The following SPOCK1 variants were observed in gnomAD, a reference collection of about 807,000 sequenced individuals.
SPOCK1 encodes the protein SPARC (osteonectin), cwcv and kazal like domains proteoglycan 1.
SPOCK1 carries 23 observed loss-of-function variants against 55.3 expected under a neutral mutation model. The ratio of observed to expected loss-of-function variants is 0.42; its 90% CI spans 0.30 to 0.59. The LOEUF (loss-of-function observed/expected upper bound fraction) is 0.59, where lower values mean the gene tolerates loss of function less well. Among genes scored for constraint, SPOCK1 ranks in the 20% least tolerant of loss-of-function variants. The pLI is 0.22. For missense variants in SPOCK1, 499 were observed against 552.5 expected, an observed-to-expected ratio of 0.90 and a Z score of 0.97; for synonymous variants, 226 against 221.0, an observed-to-expected ratio of 1.02 and a Z score of -0.20.
At chr5:137,251,424 G>A (rs926297885) in intron 3 of SPOCK1, among the ~76,000 whole-genome samples, 2 of 152,146 alleles carry the variant, frequency 1.3e-5, no homozygotes, top group African/African-American at 2.4e-5. Flanking sequence ...AGTCCTGATC[G>A]GCCAGTAACT....
intron 2 of SPOCK1, among the ~76,000 whole-genome samples, chr5:137,292,317 G>A (rs565720748): frequency 2.4e-4 from 37 of 151,448 alleles, no homozygotes; most frequent in African/African-American, 6.5e-4. Context: ...GGAGAGTTTC[G>A]AATGGGAACT....
rs545723259 is a variant in SPOCK1, at chr5:137,267,136, T to C, written c.187-81A>G. On this transcript the variant is annotated intron_variant, in intron 2 of 10. Coordinates refer to ENST00000394945, the MANE Select transcript of SPOCK1 (RefSeq NM_004598.4). ...ACTGCATAAAAACCTGCCTTCCTTT[T>C]CACCTCCCAAAACACAAAGGAAAAC... 8 of 1,181,006 alleles carry C rather than the reference T, an allele frequency of 6.8e-6. No homozygotes were observed. In the South Asian group the frequency reaches 9.2e-5, roughly 14 times the overall value. The allele number at this position is 1,181,006 out of a possible 1,614,324, so 73.2% of individuals were successfully genotyped here. A position where few individuals can be genotyped will look rare whatever the true frequency, so the allele number is the denominator to read the frequency against.
chr5:137,391,187 T>C (rs1751715080), intron 2 of SPOCK1, among the ~76,000 whole-genome samples: 2 of 152,182 alleles, frequency 1.3e-5, no homozygotes, highest in Non-Finnish European at 2.9e-5. Flanking sequence ...TTGCTGAGAA[T>C]GATGGTTTCC....
chr5:137,261,750 C>T (rs1295108576), intron 3 of SPOCK1, among the ~76,000 whole-genome samples: 1 of 152,196 alleles, frequency 6.6e-6, no homozygotes, highest in Non-Finnish European at 1.5e-5. Flanking sequence ...CTAAAGCGTT[C>T]ATTGATTCCA....
intron 2 of SPOCK1, among the ~76,000 whole-genome samples, chr5:137,366,363 C>T (rs1435417596): frequency 6.6e-6 from 1 of 152,176 alleles, no homozygotes; most frequent in Non-Finnish European, 1.5e-5. Flanking sequence ...CAGTACCAGG[C>T]ATTGTGCTAA....
intron 6 of SPOCK1, among the ~76,000 whole-genome samples, chr5:137,013,687 T>C (rs189764876): frequency 4.6e-5 from 7 of 152,326 alleles, no homozygotes; most frequent in Admixed American, 1.3e-4. Flanking sequence ...CCCCCATAAA[T>C]ACTTTCAGAA....
chr5:137,211,364 A>G (rs1326283549), intron 3 of SPOCK1, among the ~76,000 whole-genome samples: 1 of 152,216 alleles, frequency 6.6e-6, no homozygotes, highest in Non-Finnish European at 1.5e-5. Flanking sequence ...ACCTACCTCA[A>G]TAGGGATGTT....
intron 5 of SPOCK1, among the ~76,000 whole-genome samples, chr5:137,109,847 C>A (rs1427883307): frequency 6.6e-6 from 1 of 152,186 alleles, no homozygotes; most frequent in Non-Finnish European, 1.5e-5. Context: ...CTCTCTCCAA[C>A]CCTCTCTTTC....
chr5:137,443,926 G>A (rs1316340476), intron 2 of SPOCK1, among the ~76,000 whole-genome samples: 2 of 152,140 alleles, frequency 1.3e-5, no homozygotes, highest in Admixed American at 6.5e-5. Flanking sequence ...CTAAAAGTAG[G>A]ACAAAGATAT....
At position 137,234,178 on chromosome 5, in the gene SPOCK1, T is replaced by A. The variant is rs574875973; in HGVS notation, c.232+32832A>T. Among the ~76,000 whole-genome samples the A allele has an allele frequency of 3.3e-5, 5 of 152,320 alleles. No individual in the cohort carries two copies. In the East Asian group the frequency reaches 7.7e-4, roughly 24 times the overall value. On this transcript the variant is annotated intron_variant, in intron 3 of 10. Transcript: ENST00000394945. ...ATACCAGGCCACTTATTGTGGGGCC[T>A]GTTCTGCTGATGGCCCCCAGACACT...
intron 6 of SPOCK1, among the ~76,000 whole-genome samples, chr5:137,056,898 G>C (rs1752311888): frequency 6.6e-6 from 1 of 152,050 alleles, no homozygotes; most frequent in Non-Finnish European, 1.5e-5. Context: ...CAACAGGTGG[G>C]CTAGGTTTGT....
At chr5:137,036,803 T>C (rs1580718802) in intron 6 of SPOCK1, among the ~76,000 whole-genome samples, 1 of 152,180 alleles carries the variant, frequency 6.6e-6, no homozygotes, top group Non-Finnish European at 1.5e-5. Context: ...GGGAACCTGC[T>C]TCATAAACAC....
At chr5:137,357,264 A>G (rs1282768220) in intron 2 of SPOCK1, among the ~76,000 whole-genome samples, 1 of 152,150 alleles carries the variant, frequency 6.6e-6, no homozygotes, top group East Asian at 1.9e-4. Context: ...ATAATTGAAC[A>G]TCTATAATTA....
intron 2 of SPOCK1, among the ~76,000 whole-genome samples, chr5:137,418,398 T>C (rs1437775437): frequency 6.6e-6 from 1 of 152,184 alleles, no homozygotes; most frequent in Non-Finnish European, 1.5e-5. Flanking sequence ...CCATAATGGT[T>C]GAACTAGTTT....
intron 3 of SPOCK1, among the ~76,000 whole-genome samples, chr5:137,181,738 A>G (rs1754974164): frequency 6.6e-6 from 1 of 152,248 alleles, no homozygotes; most frequent in Non-Finnish European, 1.5e-5. Flanking sequence ...GGCAAATGCA[A>G]AGTGTAAGCT....
intron 2 of SPOCK1, among the ~76,000 whole-genome samples, chr5:137,283,069 A>G (rs544019184): frequency 5.9e-5 from 9 of 152,352 alleles, no homozygotes; most frequent in African/African-American, 2.2e-4. Context: ...TCAGGTAAGG[A>G]TGCGAGGCTC....
chr5:137,275,480 T>C (rs975156618), intron 2 of SPOCK1, among the ~76,000 whole-genome samples: 1 of 152,232 alleles, frequency 6.6e-6, no homozygotes, highest in African/African-American at 2.4e-5. Context: ...CAAACTCTGA[T>C]GCCTGGCCCA....
At chr5:137,274,618 T>G (rs1338256367) in intron 2 of SPOCK1, among the ~76,000 whole-genome samples, 1 of 152,244 alleles carries the variant, frequency 6.6e-6, no homozygotes, top group Non-Finnish European at 1.5e-5. Context: ...AGAGAAACAT[T>G]AGACTTTGTG....
chr5:137,306,965 C>T (rs7734615), intron 2 of SPOCK1, among the ~76,000 whole-genome samples: 30,060 of 152,108 alleles, frequency 0.2, 3,126 homozygotes, highest in East Asian at 0.26. Flanking sequence ...CCAGTGGTCT[C>T]AGAATGCACT....
Sources: gnomAD v4.1 joint callset for allele counts (sites outside exome capture counted in the v4.1 genomes callset) on GRCh38, gnomAD v4.1.1 for gene constraint, MANE v1.5 for transcripts, NCBI Gene and HGNC (gene_info 2026-07-23, HGNC 2026-07-21) for gene names.